The following RABGAP1L variants were observed in gnomAD, a reference collection of about 807,000 sequenced individuals.
The protein encoded by RABGAP1L is rab GTPase-activating protein 1-like.
RABGAP1L carries 63 observed loss-of-function variants against 137.7 expected under a neutral mutation model. The observed-to-expected ratio is 0.46, with a 90% confidence interval of 0.37 to 0.56. RABGAP1L has a LOEUF of 0.56. RABGAP1L is among the 20% of genes least tolerant of loss of function. The pLI, the probability that RABGAP1L is intolerant of heterozygous loss-of-function variation, is 0.00. For synonymous variants in RABGAP1L, 431 were observed against 433.7 expected (o/e 0.99, Z 0.08); for missense variants, 1,095 against 1,244.0 (o/e 0.88, Z 1.80).
intron 11 of RABGAP1L, among the ~76,000 whole-genome samples, chr1:174,326,252 C>G (rs576065478): frequency 6.6e-6 from 1 of 152,192 alleles, no homozygotes; most frequent in African/African-American, 2.4e-5. Context: ...GATGAATGAT[C>G]TGGTGGACAA....
chr1:174,298,096 G>A (rs961710034), intron 10 of RABGAP1L, among the ~76,000 whole-genome samples: 1 of 152,172 alleles, frequency 6.6e-6, no homozygotes, highest in African/African-American at 2.4e-5. Flanking sequence ...GGTCCAGGGT[G>A]TATTTTAAAG....
At chr1:174,339,513 C>T (rs939041258) in intron 11 of RABGAP1L, among the ~76,000 whole-genome samples, 2 of 152,120 alleles carry the variant, frequency 1.3e-5, no homozygotes, top group Non-Finnish European at 2.9e-5. Context: ...TAAAGTACAT[C>T]TTAAAATCAT....
intron 19 of RABGAP1L, chr1:174,874,334 A>C (rs1192602560): frequency 2.1e-5 from 6 of 283,244 alleles, no homozygotes; most frequent in Non-Finnish European, 2.7e-5. Flanking sequence ...GAAACCAGGA[A>C]TCTATTCTCT....
At chr1:174,767,541 T>C (rs1391044047) in intron 18 of RABGAP1L, among the ~76,000 whole-genome samples, 2 of 135,914 alleles carry the variant, frequency 1.5e-5, no homozygotes, top group African/African-American at 5.1e-5. Flanking sequence ...TTTTTTTTTT[T>C]GAGACGGAGT....
At position 174,383,333 on chromosome 1, in the gene RABGAP1L, T is replaced by A. The variant is rs370074490; in HGVS notation, c.1560-10662T>A. On this transcript the variant is annotated intron_variant, in intron 12 of 25. Transcript: ENST00000681986. ...TGGGCTCCACCCAGTTCGAGCTTCCTGGCTGCTTTGTTTACCTAAGCAAGC... is the reference window on the plus strand; with the variant it reads ...TGGGCTCCACCCAGTTCGAGCTTCCAGGCTGCTTTGTTTACCTAAGCAAGC... Among the ~76,000 whole-genome samples, 272 of 143,754 alleles carry A rather than the reference T, an allele frequency of 1.9e-3. 3 individuals are homozygous for A. The highest frequency in any genetic ancestry group is 8.0e-3 in the South Asian group (37 of 4,602). The allele number at this position is 143,754 out of a possible 152,430, so 94.3% of individuals were successfully genotyped here.
At chr1:174,345,401 T>A (rs1233782583) in intron 11 of RABGAP1L, among the ~76,000 whole-genome samples, 1 of 152,248 alleles carries the variant, frequency 6.6e-6, no homozygotes, top group Non-Finnish European at 1.5e-5. Flanking sequence ...TTAACAATAT[T>A]GATTCTTCCA....
At chr1:174,723,768 G>A (rs537005118) in intron 17 of RABGAP1L, among the ~76,000 whole-genome samples, 1 of 152,310 alleles carries the variant, frequency 6.6e-6, no homozygotes, top group African/African-American at 2.4e-5. Flanking sequence ...TGTCCAAAGA[G>A]ATATAGCATA....
intron 8 of RABGAP1L, among the ~76,000 whole-genome samples, chr1:174,274,431 T>A (rs919158260): frequency 6.6e-6 from 1 of 152,158 alleles, no homozygotes; most frequent in African/African-American, 2.4e-5. Context: ...ATAGTTGCTA[T>A]AGTATTTGGT....
rs1197223856 is a variant in RABGAP1L at position 174,886,034 on chromosome 1, A to G, written c.2341-71423A>G. ...CCAATTTTTTTTTTTTTTTTTTGAGACAGAGTTTTGCTCTTGTTGCCCACG... is the reference window on the plus strand; with the variant it reads ...CCAATTTTTTTTTTTTTTTTTTGAGGCAGAGTTTTGCTCTTGTTGCCCACG... On this transcript the variant is annotated intron_variant, in intron 19 of 25. Transcript: ENST00000681986. Among the ~76,000 whole-genome samples the G allele has an allele frequency of 2.8e-5, 4 of 142,208 alleles. No individual in the cohort carries two copies. In the East Asian group the frequency reaches 8.2e-4, roughly 29 times the overall value. The allele number at this position is 142,208 out of a possible 152,430, so 93.3% of individuals were successfully genotyped here. A position where few individuals can be genotyped will look rare whatever the true frequency, so the allele number is the denominator to read the frequency against.
intron 17 of RABGAP1L, among the ~76,000 whole-genome samples, chr1:174,727,568 A>G (rs752674060): frequency 1.1e-4 from 17 of 152,216 alleles, no homozygotes; most frequent in Non-Finnish European, 2.1e-4. Context: ...GAAAGGTATA[A>G]AATTACAATT....
chr1:174,599,844 T>G (rs1348756977), intron 13 of RABGAP1L, among the ~76,000 whole-genome samples: 1 of 152,192 alleles, frequency 6.6e-6, no homozygotes, highest in Non-Finnish European at 1.5e-5. Flanking sequence ...TATAACCTTC[T>G]TGTACTTGAA....
At chr1:174,547,893 A>AGG (rs1264361623) in intron 13 of RABGAP1L, 4 of 1,548,256 alleles carry the variant, frequency 2.6e-6, no homozygotes, top group Non-Finnish European at 3.5e-6. Context: ...TTAAATATGA[A>AGG]GGGTCTATGA....
At chr1:174,551,317 A>C (rs1392545009) in intron 13 of RABGAP1L, among the ~76,000 whole-genome samples, 3 of 152,160 alleles carry the variant, frequency 2.0e-5, no homozygotes, top group Non-Finnish European at 4.4e-5. Context: ...AAGCCTCAAC[A>C]TATTTAAAAG....
At chr1:174,350,803 T>C (rs1430738809) in intron 11 of RABGAP1L, among the ~76,000 whole-genome samples, 1 of 69,120 alleles carries the variant, frequency 1.4e-5, no homozygotes, top group Non-Finnish European at 2.9e-5. Flanking sequence ...TGGGCACCAT[T>C]GAGCACTGAG....
intron 22 of RABGAP1L, among the ~76,000 whole-genome samples, chr1:174,976,686 A>C (rs1670670898): frequency 6.6e-6 from 1 of 152,224 alleles, no homozygotes; most frequent in South Asian, 2.1e-4. Context: ...TAAGCTTTCA[A>C]ACCTATTTCC....
chr1:174,850,420 C>A (rs1385319860), intron 19 of RABGAP1L, among the ~76,000 whole-genome samples: 1 of 152,182 alleles, frequency 6.6e-6, no homozygotes, highest in Non-Finnish European at 1.5e-5. Flanking sequence ...AGAACTGGGA[C>A]TGAGGGACAT....
rs549718646 is a variant in RABGAP1L, at chr1:174,424,929, A to T, written c.1710+30784A>T. Reference sequence around the variant, plus strand: ...TAAGCCAACAATAGGATTATCTTTAAGCATTTAGAACAGAATGGGTTAAAC... The same window carrying T: ...TAAGCCAACAATAGGATTATCTTTATGCATTTAGAACAGAATGGGTTAAAC... On this transcript the variant is annotated intron_variant, in intron 13 of 25. Coordinates refer to ENST00000681986, the MANE Select transcript of RABGAP1L (RefSeq NM_001366446.1). Among the ~76,000 whole-genome samples the T allele has an allele frequency of 3.9e-5, 6 of 152,210 alleles. No individual in the cohort carries two copies. The South Asian group carries it at 1.0e-3, about 26-fold the overall frequency.
intron 1 of RABGAP1L, among the ~76,000 whole-genome samples, chr1:174,185,913 G>T (rs1465220114): frequency 6.6e-6 from 1 of 152,160 alleles, no homozygotes; most frequent in Non-Finnish European, 1.5e-5. Context: ...GGAGGCCAAG[G>T]TGGGCGGATC....
chr1:174,865,805 AG>A (rs1348590638), intron 19 of RABGAP1L, among the ~76,000 whole-genome samples: 2 of 152,162 alleles, frequency 1.3e-5, no homozygotes, highest in Non-Finnish European at 2.9e-5. Flanking sequence ...TAGTAGCTAT[AG>A]TAACTATAAA....
Sources: gnomAD v4.1 joint callset for allele counts (sites outside exome capture counted in the v4.1 genomes callset) on GRCh38, gnomAD v4.1.1 for gene constraint, MANE v1.5 for transcripts, NCBI Gene and HGNC (gene_info 2026-07-23, HGNC 2026-07-21) for gene names.